The following GNG7 variants were observed in gnomAD, a reference collection of about 807,000 sequenced individuals.
GNG7 encodes the protein guanine nucleotide-binding protein G(I)/G(S)/G(O) subunit gamma-7.
Under a neutral mutation model 4.0 loss-of-function variants are expected in GNG7, and 1 was observed. That is an observed-to-expected ratio of 0.25 (90% confidence interval 0.09 to 1.18). The LOEUF (loss-of-function observed/expected upper bound fraction) is 1.18. Ranked by LOEUF, GNG7 falls within the 50% of genes most tolerant of loss-of-function variation. The pLI is 0.50. For missense variants in GNG7, 86 were observed against 91.9 expected (o/e 0.94, Z 0.26); for synonymous variants, 34 against 36.9 (o/e 0.92, Z 0.29).
intron 1 of GNG7, among the ~76,000 whole-genome samples, chr19:2,661,626 T>G (rs941062731): frequency 1.4e-5 from 2 of 146,738 alleles, no homozygotes; most frequent in African/African-American, 5.1e-5. Flanking sequence ...TGAGCCAAGA[T>G]TGTGCCACTG....
At position 2,641,123 on chromosome 19, in the gene GNG7, C is replaced by T. The variant is rs371130366; in HGVS notation, c.-78+5101G>A. Among the ~76,000 whole-genome samples the T allele has an allele frequency of 3.5e-4, 54 of 152,322 alleles. 1 individual carries two copies. In the East Asian group the frequency reaches 9.4e-3, roughly 27 times the overall value. On this transcript the variant is annotated intron_variant, in intron 2 of 4. Transcript: ENST00000382159. ...GCTGACCCTCAGTGGCTCTTAGCCT[C>T]GAGAACTCAGCCCTGCGATGGCCAG...
At chr19:2,556,117 C>T (rs900690198) in intron 2 of GNG7, among the ~76,000 whole-genome samples, 1 of 152,232 alleles carries the variant, frequency 6.6e-6, no homozygotes, top group Non-Finnish European at 1.5e-5. Context: ...GGAGCGTCTA[C>T]ACCGGCCGAG....
At chr19:2,569,420 C>T (rs895675419) in intron 2 of GNG7, among the ~76,000 whole-genome samples, 5 of 152,090 alleles carry the variant, frequency 3.3e-5, no homozygotes, top group Admixed American at 6.6e-5. Flanking sequence ...GGACTACAGG[C>T]GCCCGCCACC....
rs939919124 is a variant in GNG7 at position 2,546,824 on chromosome 19, G to A, written c.-38+8325C>T. On this transcript the variant is annotated intron_variant, in intron 3 of 4. Coordinates refer to ENST00000382159, the MANE Select transcript of GNG7 (RefSeq NM_052847.3). The surrounding 1 kb of genome is among the most constrained non-coding windows in gnomAD (Gnocchi z 6.3). The stretch of plus-strand genomic sequence containing the variant: ...TCGGCGGGGGCGGGGGATGACCACG[G>A]TCATGTGAGAGTTTGCAAGCCCGGG... Among the ~76,000 whole-genome samples, 1 of 152,156 alleles carries A rather than the reference G, an allele frequency of 6.6e-6. No homozygotes were observed. Among genetic ancestry groups the A allele is most frequent in the Non-Finnish European group, 1.5e-5 (1 of 68,016 alleles).
In GNG7 at chr19:2,692,560, G is replaced by A. The variant is rs566975377; in HGVS notation, c.-135+10086C>T. On this transcript the variant is annotated intron_variant, in intron 1 of 4. Coordinates refer to ENST00000382159, the MANE Select transcript of GNG7 (RefSeq NM_052847.3). ...TGAGGCAGGAGAATGGCGTGAACCC[G>A]GGAGGTGGAGCTTGCAGTGAGCCGA... Among the ~76,000 whole-genome samples the A allele has an allele frequency of 1.1e-4, 16 of 151,446 alleles. No individual in the cohort carries two copies. In the East Asian group the frequency reaches 2.3e-3, roughly 22 times the overall value.
intron 2 of GNG7, among the ~76,000 whole-genome samples, chr19:2,639,919 AG>A (rs1982451639): frequency 1.6e-5 from 1 of 64,302 alleles, no homozygotes; most frequent in Non-Finnish European, 3.0e-5. Flanking sequence ...GAAAGGAAGG[AG>A]GGAGTGAAGG....
chr19:2,558,248 TTG>T (rs772780999), intron 2 of GNG7, among the ~76,000 whole-genome samples: 1,478 of 40,832 alleles, frequency 0.036, 13 homozygotes, highest in Admixed American at 0.052. Context: ...GTTTTTGTTT[TTG>T]TTTTTTTTTT....
intron 2 of GNG7, among the ~76,000 whole-genome samples, chr19:2,645,243 C>CTCTTT (rs755862224): frequency 3.0e-5 from 4 of 135,520 alleles, no homozygotes; most frequent in Admixed American, 7.4e-5. Context: ...CTCTCTCTCT[C>CTCTTT]TTTTTTTTTT....
intron 2 of GNG7, among the ~76,000 whole-genome samples, chr19:2,587,530 A>G (rs1327451913): frequency 1.3e-5 from 2 of 152,174 alleles, no homozygotes; most frequent in Non-Finnish European, 2.9e-5. Flanking sequence ...GGTGAGGACA[A>G]CAGCCGGCGT....
Position 2,696,277 on chromosome 19 carries a change from A to G in GNG7, c.-135+6369T>C, listed in dbSNP as rs1913245755. Among the ~76,000 whole-genome samples, 3 of 139,428 alleles carry G rather than the reference A, an allele frequency of 2.2e-5. No homozygotes were observed. The Admixed American group carries it at 2.3e-4, about 11-fold the overall frequency. The allele number at this position is 139,428 out of a possible 152,430, so 91.5% of individuals were successfully genotyped here. A position where few individuals can be genotyped will look rare whatever the true frequency, so the allele number is the denominator to read the frequency against. ...AAAAGAAAGAAAGAGAAGGAGAGAAAGAAAAAGAGAGAGAGAGAAAGAAAG... is the reference window on the plus strand; with the variant it reads ...AAAAGAAAGAAAGAGAAGGAGAGAAGGAAAAAGAGAGAGAGAGAAAGAAAG... On this transcript the variant is annotated intron_variant, in intron 1 of 4. Transcript: ENST00000382159.
At chr19:2,680,712 A>G (rs1178058405) in intron 1 of GNG7, among the ~76,000 whole-genome samples, 1 of 151,460 alleles carries the variant, frequency 6.6e-6, no homozygotes, top group Non-Finnish European at 1.5e-5. Flanking sequence ...AGTAGCTAGG[A>G]TTACAGGCAT....
Position 2,630,008 on chromosome 19 carries a change from C to T in GNG7, c.-78+16216G>A, listed in dbSNP as rs146350123. On this transcript the variant is annotated intron_variant, in intron 2 of 4. Coordinates refer to ENST00000382159, the MANE Select transcript of GNG7 (RefSeq NM_052847.3). ...ACTTCCTCTGAATCTGTAATGATTT[C>T]AAAATAAAGGTTGTTTTTTTTTTTT... Among the ~76,000 whole-genome samples the T allele has an allele frequency of 8.4e-3, 1,259 of 150,610 alleles. 6 individuals are homozygous for T. Among genetic ancestry groups the T allele is most frequent in the Non-Finnish European group, 0.014 (954 of 67,900 alleles).
intron 2 of GNG7, among the ~76,000 whole-genome samples, chr19:2,629,867 A>C (rs973827690): frequency 3.3e-5 from 5 of 152,212 alleles, no homozygotes; most frequent in African/African-American, 1.2e-4. Context: ...AGAGCTTTGC[A>C]CATACATGGT....
intron 2 of GNG7, among the ~76,000 whole-genome samples, chr19:2,587,412 T>G (rs1417920903): frequency 6.6e-6 from 1 of 152,056 alleles, no homozygotes; most frequent in East Asian, 1.9e-4. Context: ...CACAATGTCT[T>G]CTGATGAGAA....
At chr19:2,696,302 GA>G (rs1298670040) in intron 1 of GNG7, among the ~76,000 whole-genome samples, 1 of 111,130 alleles carries the variant, frequency 9.0e-6, no homozygotes, top group Non-Finnish European at 1.9e-5. Flanking sequence ...GAGAAAGAAA[GA>G]AAGAAAGAAA....
At chr19:2,525,970 A>ATTTTTTTTTTT (rs1568231777) in intron 3 of GNG7, among the ~76,000 whole-genome samples, 28 of 26,768 alleles carry the variant, frequency 1.0e-3, no homozygotes, top group African/African-American at 8.2e-3. Flanking sequence ...CCTCCACGCC[A>ATTTTTTTTTTT]ATTTTTTTTT....
At chr19:2,540,140 C>G (rs1978911952) in intron 3 of GNG7, among the ~76,000 whole-genome samples, 1 of 144,482 alleles carries the variant, frequency 6.9e-6, no homozygotes, top group Admixed American at 7.3e-5. Context: ...CCTTCCGTCT[C>G]TCTCTCTCTT....
intron 2 of GNG7, among the ~76,000 whole-genome samples, chr19:2,638,122 T>C (rs931551956): frequency 6.6e-6 from 1 of 151,880 alleles, no homozygotes. Context: ...CCCAGCACTT[T>C]GGGAGGCCGA....
chr19:2,543,839 G>A (rs974056164), intron 3 of GNG7, among the ~76,000 whole-genome samples: 1 of 152,070 alleles, frequency 6.6e-6, no homozygotes, highest in Non-Finnish European at 1.5e-5. Flanking sequence ...GGGGGAAGGT[G>A]GCCTTGAAGG....
Sources: allele counts gnomAD v4.1 joint callset (sites outside exome capture counted in the v4.1 genomes callset), GRCh38; gene constraint gnomAD v4.1.1; non-coding constraint Gnocchi (gnomAD v3.1); transcripts MANE v1.5; gene names NCBI Gene and HGNC (gene_info 2026-07-23, HGNC 2026-07-21).